The following SPECC1L variants were observed in gnomAD, a reference collection of about 807,000 sequenced individuals.
The protein encoded by SPECC1L is cytospin-A.
SPECC1L carries 40 observed loss-of-function variants against 116.8 expected under a neutral mutation model. The observed-to-expected ratio is 0.34, with a 90% CI of 0.27 to 0.45. SPECC1L has a LOEUF of 0.45. SPECC1L is among the 20% of genes least tolerant of loss of function. The probability of loss-of-function intolerance (pLI) is 1.00; values close to 1 mark genes in which losing one functional copy is unlikely to be tolerated. For synonymous variants in SPECC1L, 504 were observed against 500.6 expected, an observed-to-expected ratio of 1.01 and a Z score of -0.09; for missense variants, 1,110 against 1,373.6, an observed-to-expected ratio of 0.81 and a Z score of 3.03.
At position 24,324,300 on chromosome 22, in the gene SPECC1L, A is replaced by G. The variant is rs1569421531; in HGVS notation, c.2019A>G (p.Arg673=). 2 of 1,614,158 alleles carry G rather than the reference A, an allele frequency of 1.2e-6. No homozygotes were observed. The highest frequency in any genetic ancestry group is 1.7e-6 in the Non-Finnish European group (2 of 1,179,980). Residue 673 remains arginine, a synonymous_variant, in exon 6 of 17, where the codon AGA becomes AGG. Transcript: ENST00000314328. ...TGAATATGACGTTAGAAAAATTAAGATCAGACCTGGATGAAAAAGAAACAG... is the reference window on the plus strand; with the variant it reads ...TGAATATGACGTTAGAAAAATTAAGGTCAGACCTGGATGAAAAAGAAACAG... ...EDLNMTLEKL[R]SDLDEKETER...
intron 14 of SPECC1L, among the ~76,000 whole-genome samples, chr22:24,401,521 T>C (rs1481255055): frequency 6.6e-6 from 1 of 152,226 alleles, no homozygotes; most frequent in Non-Finnish European, 1.5e-5. Context: ...AGGCTTCCTC[T>C]TTACAGAGAA....
At chr22:24,399,209 T>A (rs779075923) in intron 14 of SPECC1L, among the ~76,000 whole-genome samples, 1 of 152,154 alleles carries the variant, frequency 6.6e-6, no homozygotes, top group Non-Finnish European at 1.5e-5. Context: ...CCCTAGCTCT[T>A]AGGGTGACAT....
rs1377509335 is a variant in SPECC1L, at chr22:24,316,529, C to T, written c.307+3063C>T. 6.0e-5 allele frequency among the ~76,000 whole-genome samples: 9 copies of T among 151,052 alleles called. No individual in the cohort carries two copies. In the East Asian group the frequency reaches 9.8e-4, roughly 16 times the overall value. On this transcript the variant is annotated intron_variant, in intron 4 of 16. Transcript: ENST00000314328. ...CGTCTGTTTAACAAAGCACATCTTG[C>T]ACCGCCCTTAATCCATTTAACCCTG...
At chr22:24,377,680 A>G (rs954252487) in intron 14 of SPECC1L, among the ~76,000 whole-genome samples, 1 of 152,222 alleles carries the variant, frequency 6.6e-6, no homozygotes, top group Non-Finnish European at 1.5e-5. Context: ...TGGATGTTGT[A>G]TTAGCAGACA....
At chr22:24,396,823 C>G (rs979077358) in intron 14 of SPECC1L, among the ~76,000 whole-genome samples, 1 of 152,142 alleles carries the variant, frequency 6.6e-6, no homozygotes, top group Non-Finnish European at 1.5e-5. Flanking sequence ...GTACCCTACC[C>G]TACTGTGTTT....
chr22:24,357,747 CTTTGTG>C (rs941211434), intron 11 of SPECC1L, among the ~76,000 whole-genome samples: 5 of 152,160 alleles, frequency 3.3e-5, no homozygotes, highest in African/African-American at 1.2e-4. Context: ...CCAGTAAATA[CTTTGTG>C]TTTAGAGTGT....
intron 9 of SPECC1L, among the ~76,000 whole-genome samples, chr22:24,337,766 T>G (rs2041089606): frequency 6.6e-6 from 1 of 152,194 alleles, no homozygotes; most frequent in African/African-American, 2.4e-5. Context: ...TTTTGCAGCC[T>G]TTACCAGAAT....
intron 14 of SPECC1L, among the ~76,000 whole-genome samples, chr22:24,384,945 T>G (rs2042132740): frequency 6.6e-6 from 1 of 151,740 alleles, no homozygotes; most frequent in Non-Finnish European, 1.5e-5. Flanking sequence ...GCACCTGTAG[T>G]CCCAGCTACT....
At chr22:24,408,765 G>C (rs1306259105) in intron 14 of SPECC1L, among the ~76,000 whole-genome samples, 1 of 152,238 alleles carries the variant, frequency 6.6e-6, no homozygotes, top group African/African-American at 2.4e-5. Context: ...CCTTTGGAAG[G>C]CTCATGCTTT....
chr22:24,272,870 C>T (rs1688624564), intron 1 of SPECC1L, among the ~76,000 whole-genome samples: 1 of 152,062 alleles, frequency 6.6e-6, no homozygotes, highest in Non-Finnish European at 1.5e-5. Context: ...TTAGCCGATT[C>T]AGTGACTTTT....
At chr22:24,363,408 T>C (rs2041684211) in intron 12 of SPECC1L, 64 bp downstream of exon 12, 1 of 1,387,140 alleles carries the variant, frequency 7.2e-7, no homozygotes, top group African/African-American at 1.4e-5. Context: ...TCTCACTATG[T>C]TGCCCAGGCT....
intron 14 of SPECC1L, among the ~76,000 whole-genome samples, chr22:24,392,474 T>C (rs2042290988): frequency 6.6e-6 from 1 of 152,234 alleles, no homozygotes; most frequent in African/African-American, 2.4e-5. Context: ...TTTCATTAGA[T>C]ACATGATTGC....
At chr22:24,380,391 A>G (rs999289945) in intron 14 of SPECC1L, among the ~76,000 whole-genome samples, 2 of 152,196 alleles carry the variant, frequency 1.3e-5, no homozygotes, top group African/African-American at 4.8e-5. Context: ...TTATGAGAGC[A>G]GAAGCTGTTA....
chr22:24,334,533 A>T lies in SPECC1L; in HGVS notation c.2520A>T (p.Thr840=). Reference sequence around the variant, plus strand: ...CGACTTCCTCAGAGCCAACTCCTACAGTAAAAACCCTCATCAAGTCCTTTG... The same window carrying T: ...CGACTTCCTCAGAGCCAACTCCTACTGTAAAAACCCTCATCAAGTCCTTTG... ...RSSTSSEPTP[T]VKTLIKSFDS... Residue 840 remains threonine (T), a synonymous_variant, in exon 9 of 17, where the codon ACA becomes ACT. Coordinates refer to ENST00000314328, the MANE Select transcript of SPECC1L (RefSeq NM_015330.6). 2.5e-6 allele frequency: 4 copies of T among 1,614,192 alleles called. No homozygotes were observed. The highest frequency in any genetic ancestry group is 3.4e-6 in the Non-Finnish European group (4 of 1,180,030).
chr22:24,280,863 A>AC (rs2048929450), intron 2 of SPECC1L, among the ~76,000 whole-genome samples: 1 of 152,190 alleles, frequency 6.6e-6, no homozygotes, highest in African/African-American at 2.4e-5. Flanking sequence ...TTGGGATTAC[A>AC]GGCATGAGCC....
At chr22:24,352,099 T>C (rs2041437947) in intron 11 of SPECC1L, among the ~76,000 whole-genome samples, 1 of 152,194 alleles carries the variant, frequency 6.6e-6, no homozygotes, top group African/African-American at 2.4e-5. Context: ...GAAATCTTAC[T>C]ATAAATGCAC....
intron 3 of SPECC1L, among the ~76,000 whole-genome samples, chr22:24,311,824 AAAAAG>A: frequency 6.6e-6 from 1 of 150,538 alleles, no homozygotes; most frequent in African/African-American, 2.5e-5. Flanking sequence ...AAAAAAAAAA[AAAAAG>A]AATATGAACA....
At chr22:24,334,814 C>T (rs2041018912) in intron 9 of SPECC1L, among the ~76,000 whole-genome samples, 1 of 152,110 alleles carries the variant, frequency 6.6e-6, no homozygotes, top group African/African-American at 2.4e-5. Flanking sequence ...GTCTTCTCAC[C>T]CTCGGTGGAT....
At chr22:24,340,140 CTTTTT>C (rs765402107) in intron 10 of SPECC1L, among the ~76,000 whole-genome samples, 2 of 105,138 alleles carry the variant, frequency 1.9e-5, no homozygotes, top group African/African-American at 9.2e-5. Flanking sequence ...ATTTAATGAC[CTTTTT>C]TTTTTTTTTT....
Sources: gnomAD v4.1 joint callset for allele counts (sites outside exome capture counted in the v4.1 genomes callset) on GRCh38, gnomAD v4.1.1 for gene constraint, MANE v1.5 for transcripts, NCBI Gene and HGNC (gene_info 2026-07-23, HGNC 2026-07-21) for gene names.